The following KIAA1217 variants were observed in gnomAD, a reference collection of about 807,000 sequenced individuals.
KIAA1217 encodes the protein sickle tail protein homolog.
Under a neutral mutation model 163.9 loss-of-function variants are expected in KIAA1217, and 88 were observed. That is an observed-to-expected ratio of 0.54 (90% CI 0.45 to 0.64). The LOEUF is 0.64. KIAA1217 is among the 30% of genes least tolerant of loss of function. The pLI is 0.00. For missense variants in KIAA1217, 2,372 were observed against 2,475.0 expected (o/e 0.96, Z 0.88); for synonymous variants, 903 against 923.1 (o/e 0.98, Z 0.39).
At chr10:23,931,951 G>A (rs147949012) in intron 1 of KIAA1217, among the ~76,000 whole-genome samples, 149 of 152,220 alleles carry the variant, frequency 9.8e-4, no homozygotes, top group African/African-American at 3.4e-3. Context: ...AAAAAATGGG[G>A]CCAGTTACCA....
At chr10:24,342,373 G>A (rs867629336) in intron 2 of KIAA1217, among the ~76,000 whole-genome samples, 12 of 152,156 alleles carry the variant, frequency 7.9e-5, no homozygotes, top group African/African-American at 2.7e-4. Context: ...TGTAATATAT[G>A]TACATGGAAA....
At chr10:24,491,068 A>G (rs1296671861) in intron 6 of KIAA1217, among the ~76,000 whole-genome samples, 1 of 152,066 alleles carries the variant, frequency 6.6e-6, no homozygotes, top group Non-Finnish European at 1.5e-5. Flanking sequence ...TCTGCACCCT[A>G]AAACTATTAC....
chr10:24,215,021 C>G (rs1415908560), intron 1 of KIAA1217, among the ~76,000 whole-genome samples: 2 of 152,218 alleles, frequency 1.3e-5, no homozygotes, highest in African/African-American at 4.8e-5. Flanking sequence ...GTGCGGCTTT[C>G]TCCTTGAGGA....
chr10:23,816,083 C>G (rs1837301916), intron 1 of KIAA1217, among the ~76,000 whole-genome samples: 1 of 152,128 alleles, frequency 6.6e-6, no homozygotes, highest in Non-Finnish European at 1.5e-5. Context: ...AAGCTACTCC[C>G]CTTAAGCAAA....
At chr10:24,044,895 T>C (rs966209532) in intron 2 of KIAA1217, among the ~76,000 whole-genome samples, 1 of 152,112 alleles carries the variant, frequency 6.6e-6, no homozygotes, top group African/African-American at 2.4e-5. Flanking sequence ...TTTTTCTAGA[T>C]GCTTTTCTCT....
At chr10:23,773,203 T>A (rs1834869134) in intron 1 of KIAA1217, among the ~76,000 whole-genome samples, 1 of 152,196 alleles carries the variant, frequency 6.6e-6, no homozygotes, top group African/African-American at 2.4e-5. Flanking sequence ...TACCAAGCAT[T>A]ATTGTACACT....
intron 1 of KIAA1217, among the ~76,000 whole-genome samples, chr10:23,829,396 C>T (rs1036611693): frequency 3.3e-5 from 5 of 152,166 alleles, no homozygotes; most frequent in African/African-American, 1.2e-4. Flanking sequence ...TCGTCTTCTC[C>T]ATGGGAAAAA....
At chr10:23,951,625 C>T (rs1468115509) in intron 1 of KIAA1217, among the ~76,000 whole-genome samples, 2 of 150,068 alleles carry the variant, frequency 1.3e-5, no homozygotes, top group Non-Finnish European at 3.0e-5. Flanking sequence ...TGCACTCCAG[C>T]CTGCAAGCAA....
intron 2 of KIAA1217, among the ~76,000 whole-genome samples, chr10:24,166,376 TA>T (rs546642231): frequency 1.6e-3 from 246 of 152,042 alleles, no homozygotes; most frequent in African/African-American, 5.2e-3. Context: ...TACACTTAGA[TA>T]AAAAAAATAA....
At chr10:23,991,817 A>T (rs936087687) in intron 1 of KIAA1217, among the ~76,000 whole-genome samples, 7 of 152,148 alleles carry the variant, frequency 4.6e-5, no homozygotes, top group Non-Finnish European at 1.0e-4. Flanking sequence ...CCAGTGTCAG[A>T]TAGGAAAATA....
intron 1 of KIAA1217, among the ~76,000 whole-genome samples, chr10:23,962,135 G>C (rs935510939): frequency 2.0e-5 from 3 of 152,218 alleles, no homozygotes; most frequent in Non-Finnish European, 2.9e-5. Context: ...CGTGCAGGCT[G>C]ACTCTGACCA....
chr10:23,743,642 A>C (rs1201509675), intron 1 of KIAA1217, among the ~76,000 whole-genome samples: 1 of 152,202 alleles, frequency 6.6e-6, no homozygotes, highest in Non-Finnish European at 1.5e-5. Context: ...ATCAGCAGCC[A>C]CTTCTCTGAC....
rs542333362 is a variant in KIAA1217 at position 23,879,249 on chromosome 10, G to A, written c.-320-127976G>A. 4.3e-4 allele frequency among the ~76,000 whole-genome samples: 65 copies of A among 151,852 alleles called. 1 individual carries two copies. The highest frequency in any genetic ancestry group is 1.4e-3 in the Admixed American group (22 of 15,216). Reference sequence around the variant, plus strand: ...ACTTTGGCATTTTTAAAAACCTCCCGGATGATTCTTATCTCCATTTTAACC... The same window carrying A: ...ACTTTGGCATTTTTAAAAACCTCCCAGATGATTCTTATCTCCATTTTAACC... On this transcript the variant is annotated intron_variant, in intron 1 of 18. Coordinates refer to the KIAA1217 transcript ENST00000376462.
At chr10:23,720,484 CT>C (rs1345022050) in intron 1 of KIAA1217, among the ~76,000 whole-genome samples, 3 of 152,082 alleles carry the variant, frequency 2.0e-5, no homozygotes, top group Admixed American at 2.0e-4. Flanking sequence ...TAATTTTGAG[CT>C]GCACTTTTGA....
chr10:24,416,971 C>T (rs2058303144), intron 3 of KIAA1217, among the ~76,000 whole-genome samples: 1 of 152,184 alleles, frequency 6.6e-6, no homozygotes, highest in Non-Finnish European at 1.5e-5. Context: ...TCCTTCAGGA[C>T]TTATACCCCT....
chr10:24,339,195 T>G (rs2046760173), intron 2 of KIAA1217, among the ~76,000 whole-genome samples: 1 of 152,218 alleles, frequency 6.6e-6, no homozygotes, highest in South Asian at 2.1e-4. Flanking sequence ...GTTTTGTTTT[T>G]TAAATATCCC....
At chr10:23,710,518 A>G (rs1271859689) in intron 1 of KIAA1217, among the ~76,000 whole-genome samples, 1 of 152,242 alleles carries the variant, frequency 6.6e-6, no homozygotes, top group African/African-American at 2.4e-5. Context: ...ATACTTGTTC[A>G]TCCAATCTGA....
chr10:24,362,502 A>G (rs2050159470), intron 2 of KIAA1217, among the ~76,000 whole-genome samples: 1 of 152,234 alleles, frequency 6.6e-6, no homozygotes, highest in South Asian at 2.1e-4. Flanking sequence ...TGGCGATTAG[A>G]TCTTCATGTT....
At chr10:23,701,445 G>T (rs1836443120) in intron 1 of KIAA1217, among the ~76,000 whole-genome samples, 1 of 152,144 alleles carries the variant, frequency 6.6e-6, no homozygotes, top group Non-Finnish European at 1.5e-5. Flanking sequence ...TCCTCAAATG[G>T]GTTGGCCACC....
Sources: gnomAD v4.1 joint callset for allele counts (sites outside exome capture counted in the v4.1 genomes callset) on GRCh38, gnomAD v4.1.1 for gene constraint, MANE v1.5 for transcripts, NCBI Gene and HGNC (gene_info 2026-07-23, HGNC 2026-07-21) for gene names.